The following RBMS3 variants were observed in gnomAD, a reference collection of about 807,000 sequenced individuals.
RBMS3 encodes the protein RNA-binding motif, single-stranded-interacting protein 3.
RBMS3 carries 27 observed loss-of-function variants against 66.8 expected under a neutral mutation model. That is an observed-to-expected ratio of 0.40 (90% CI 0.30 to 0.56). The LOEUF (loss-of-function observed/expected upper bound fraction) is 0.56, where lower values mean the gene tolerates loss of function less well. RBMS3 is among the 20% of genes least tolerant of loss of function. The pLI, the probability that RBMS3 is intolerant of heterozygous loss-of-function variation, is 0.40. For missense variants in RBMS3, 513 were observed against 549.5 expected (o/e 0.93, Z 0.66); for synonymous variants, 188 against 183.0 (o/e 1.03, Z -0.22).
chr3:29,331,410 G>A (rs181248665), intron 1 of RBMS3, among the ~76,000 whole-genome samples: 1 of 152,228 alleles, frequency 6.6e-6, no homozygotes, highest in East Asian at 1.9e-4. Context: ...TAGTTTCCCA[G>A]TAGGACCAAA....
intron 2 of RBMS3, among the ~76,000 whole-genome samples, chr3:29,443,173 G>A (rs1038423615): frequency 6.6e-6 from 1 of 151,936 alleles, no homozygotes; most frequent in Non-Finnish European, 1.5e-5. Flanking sequence ...GTGAATAGTG[G>A]TCCAAATAAA....
At position 29,762,934 on chromosome 3, in the gene RBMS3, A is replaced by G; in HGVS notation, c.582A>G (p.Glu194=). 6.2e-7 allele frequency: 1 copy of G among 1,610,398 alleles called. No individual in the cohort carries two copies. Among genetic ancestry groups the G allele is most frequent in the Non-Finnish European group, 8.5e-7 (1 of 1,177,790 alleles). The change falls in exon 6 of 15, where the codon GAA becomes GAG. Residue 194 remains glutamate (E), a synonymous_variant. Transcript: ENST00000383767. ...FARMESTEKC[E]VVIQHFNGKY... ...GAATGGAGTCTACTGAAAAATGTGAAGTGGTAATTCAACATTTTAATGGAA... is the reference window on the plus strand; with the variant it reads ...GAATGGAGTCTACTGAAAAATGTGAGGTGGTAATTCAACATTTTAATGGAA...
rs370586837 is a variant in RBMS3 at position 29,295,273 on chromosome 3, T to TTA, written c.75+13538_75+13539dup. Among the ~76,000 whole-genome samples the TTA allele has an allele frequency of 6.3e-3, 324 of 51,336 alleles. 5 individuals are homozygous for TTA. The highest frequency in any genetic ancestry group is 0.045 in the East Asian group (129 of 2,852). The allele number at this position is 51,336 out of a possible 152,430, so 33.7% of individuals were successfully genotyped here. Reference sequence around the variant, plus strand: ...GGTCCTTATTCCCAATTGCAGAAAATTATATATATATATATATATATACAT... The same window carrying TTA: ...GGTCCTTATTCCCAATTGCAGAAAATTATATATATATATATATATATATACAT... On this transcript the variant is annotated intron_variant, in intron 1 of 14. Coordinates refer to ENST00000383767, the MANE Select transcript of RBMS3 (RefSeq NM_001003793.3).
chr3:29,864,004 G>A (rs745516540), intron 6 of RBMS3, among the ~76,000 whole-genome samples: 13 of 152,168 alleles, frequency 8.5e-5, no homozygotes, highest in African/African-American at 1.7e-4. Flanking sequence ...TTATAGATAC[G>A]TAATTGTTTT....
intron 1 of RBMS3, among the ~76,000 whole-genome samples, chr3:29,308,656 T>A (rs550704783): frequency 6.6e-6 from 1 of 150,822 alleles, no homozygotes; most frequent in African/African-American, 2.4e-5. Flanking sequence ...TAGAATTACA[T>A]GTAAATGTCT....
chr3:29,895,062 A>T (rs978305507), intron 8 of RBMS3, among the ~76,000 whole-genome samples: 2 of 151,560 alleles, frequency 1.3e-5, no homozygotes, highest in African/African-American at 4.8e-5. Flanking sequence ...CAAAGAGTGA[A>T]CATTTGTTCA....
intron 4 of RBMS3, among the ~76,000 whole-genome samples, chr3:29,692,051 G>A (rs941506317): frequency 4.7e-5 from 7 of 148,380 alleles, no homozygotes; most frequent in South Asian, 4.3e-4. Context: ...CTGGGATCTC[G>A]GCTCACTGCA....
chr3:29,507,245 A>G (rs999309997), intron 3 of RBMS3, among the ~76,000 whole-genome samples: 1 of 151,906 alleles, frequency 6.6e-6, no homozygotes, highest in Non-Finnish European at 1.5e-5. Flanking sequence ...TAAACTTTCC[A>G]TACTCTTTAG....
intron 1 of RBMS3, among the ~76,000 whole-genome samples, chr3:29,363,594 G>A (rs1238236135): frequency 6.6e-6 from 1 of 152,124 alleles, no homozygotes; most frequent in East Asian, 1.9e-4. Context: ...TTTGAGACCA[G>A]CCTGGCCGAT....
intron 1 of RBMS3, among the ~76,000 whole-genome samples, chr3:29,316,426 A>ATTTTTAT (rs2034680582): frequency 6.6e-6 from 1 of 151,664 alleles, no homozygotes; most frequent in Non-Finnish European, 1.5e-5. Context: ...TCTATGAAAA[A>ATTTTTAT]TTTTGTCATT....
chr3:29,593,275 G>T (rs564806414), intron 4 of RBMS3, among the ~76,000 whole-genome samples: 1 of 152,274 alleles, frequency 6.6e-6, no homozygotes, highest in South Asian at 2.1e-4. Context: ...GAATGCACAG[G>T]TATATGACAG....
chr3:29,526,735 C>T (rs913585562), intron 3 of RBMS3, among the ~76,000 whole-genome samples: 1 of 151,846 alleles, frequency 6.6e-6, no homozygotes, highest in Non-Finnish European at 1.5e-5. Context: ...TTTATTTCAT[C>T]TCTTTAGAGC....
intron 4 of RBMS3, among the ~76,000 whole-genome samples, chr3:29,649,033 A>G (rs1465242172): frequency 2.0e-5 from 3 of 152,184 alleles, no homozygotes; most frequent in Non-Finnish European, 4.4e-5. Context: ...CTTTGTCCTC[A>G]TTCCCTGCTT....
At chr3:29,454,105 G>T (rs1188647205) in intron 2 of RBMS3, among the ~76,000 whole-genome samples, 1 of 152,112 alleles carries the variant, frequency 6.6e-6, no homozygotes, top group Non-Finnish European at 1.5e-5. Context: ...AGAACTTCTG[G>T]ACCTTGAGAA....
rs545236116 is a variant in RBMS3 at position 29,458,592 on chromosome 3, T to C, written c.248+23677T>C. Among the ~76,000 whole-genome samples, 3 of 152,310 alleles carry C rather than the reference T, an allele frequency of 2.0e-5. 1 individual carries two copies. The highest frequency in any genetic ancestry group is 4.1e-4 in the South Asian group (2 of 4,830). ...GCTATTCAACAGTTGTTATGCTGGG[T>C]TTTTAAAACTTCAAGTTATTGTTGT... On this transcript the variant is annotated intron_variant, in intron 2 of 14. Coordinates refer to ENST00000383767, the MANE Select transcript of RBMS3 (RefSeq NM_001003793.3).
chr3:29,444,405 T>C (rs2125745153), intron 2 of RBMS3, among the ~76,000 whole-genome samples: 1 of 152,152 alleles, frequency 6.6e-6, no homozygotes, highest in Non-Finnish European at 1.5e-5. Flanking sequence ...TTAACCATGA[T>C]CCATACATAG....
At chr3:29,371,767 A>G (rs984475192) in intron 1 of RBMS3, among the ~76,000 whole-genome samples, 3 of 152,208 alleles carry the variant, frequency 2.0e-5, no homozygotes, top group Non-Finnish European at 2.9e-5. Flanking sequence ...AAAGATAGAT[A>G]TGATACTCTG....
intron 1 of RBMS3, among the ~76,000 whole-genome samples, chr3:29,286,888 A>C (rs1485663951): frequency 1.3e-5 from 2 of 152,146 alleles, no homozygotes; most frequent in African/African-American, 2.4e-5. Context: ...TTTTATTCAG[A>C]GTAAATGGTT....
At chr3:29,546,388 T>TA (rs1414510498) in intron 3 of RBMS3, among the ~76,000 whole-genome samples, 2 of 152,148 alleles carry the variant, frequency 1.3e-5, no homozygotes, top group East Asian at 3.9e-4. Context: ...TTTCCTCAAC[T>TA]GCCTCACAAC....
Sources: allele counts gnomAD v4.1 joint callset (sites outside exome capture counted in the v4.1 genomes callset), GRCh38; gene constraint gnomAD v4.1.1; transcripts MANE v1.5; gene names NCBI Gene and HGNC (gene_info 2026-07-23, HGNC 2026-07-21).